PCDH11X: variants seen among roughly 807,000 people sequenced by gnomAD.
PCDH11X encodes protocadherin-11 X-linked.
In PCDH11X, 18 loss-of-function variants were observed where a neutral mutation model predicts 53.3. The ratio of observed to expected loss-of-function variants is 0.34; its 90% CI spans 0.23 to 0.50. PCDH11X has a LOEUF of 0.50. Among genes scored for constraint, PCDH11X ranks in the 20% least tolerant of loss-of-function variants. PCDH11X has a pLI of 0.98. For synonymous variants in PCDH11X, 279 were observed against 393.3 expected (o/e 0.71, Z 3.44); for missense variants, 570 against 1,032.4 (o/e 0.55, Z 6.14).
intron 5 of PCDH11X, among the ~76,000 whole-genome samples, chrX:91,859,489 T>C (rs1217841070): frequency 9.3e-6 from 1 of 107,898 alleles, no homozygotes; most frequent in African/African-American, 3.4e-5. Flanking sequence ...ATTTTTCCTT[T>C]TGTTGCAGTT....
At chrX:92,324,611 G>A (rs2148496805) in intron 8 of PCDH11X, among the ~76,000 whole-genome samples, 1 of 101,722 alleles carries the variant, frequency 9.8e-6, no homozygotes, top group Non-Finnish European at 2.0e-5. Context: ...AGATAGCAAT[G>A]TAGTACATGA....
At chrX:92,151,942 A>G (rs2065442830) in intron 6 of PCDH11X, among the ~76,000 whole-genome samples, 2 of 99,378 alleles carry the variant, frequency 2.0e-5, no homozygotes, top group African/African-American at 3.7e-5. Context: ...ATAAGATACT[A>G]TAGTAACTAG....
chrX:92,244,815 T>C (rs2067318872), intron 7 of PCDH11X, among the ~76,000 whole-genome samples: 1 of 112,018 alleles, frequency 8.9e-6, no homozygotes, highest in Admixed American at 9.5e-5. Flanking sequence ...TAAAGTGCTA[T>C]GCCTGTCACA....
intron 8 of PCDH11X, among the ~76,000 whole-genome samples, chrX:92,273,302 G>T (rs1434477166): frequency 9.0e-6 from 1 of 111,124 alleles, no homozygotes; most frequent in Non-Finnish European, 1.9e-5. Context: ...GGTGCTCAGT[G>T]GGGGAGCTTC....
Position 91,878,592 on chromosome X carries a change from A to G in PCDH11X, c.2352A>G (p.Glu784=), listed in dbSNP as rs1569424018. The G allele has an allele frequency of 1.7e-6, 2 of 1,211,351 alleles. No individual in the cohort carries two copies. Among genetic ancestry groups the G allele is most frequent in the South Asian group, 1.8e-5 (1 of 56,947 alleles). ...TGACCAATGCTACACTGATTAATGA[A>G]CTGGTGCGCAAAAGCACTGAAGCAC... ...ESVTNATLIN[E]LVRKSTEAPV... is the part of the protein sequence containing the mutation. The change falls in exon 6 of 11, where the codon GAA becomes GAG. Residue 784 remains glutamate (E), a synonymous_variant. Coordinates refer to ENST00000682573, the MANE Select transcript of PCDH11X (RefSeq NM_032968.5).
At chrX:91,915,892 AT>A (rs745386868) in intron 6 of PCDH11X, among the ~76,000 whole-genome samples, 7 of 110,475 alleles carry the variant, frequency 6.3e-5, no homozygotes, top group African/African-American at 2.0e-4. Context: ...CAGACTATAC[AT>A]TTTTTTTCAG....
chrX:91,880,049 A>G, intron 6 of PCDH11X: 2 of 491,299 alleles, frequency 4.1e-6, no homozygotes, highest in Non-Finnish European at 5.0e-6. Flanking sequence ...TCTAATAGGC[A>G]CAAAGAAAAC....
chrX:92,599,631 A>T, intron 10 of PCDH11X, among the ~76,000 whole-genome samples: 1 of 111,848 alleles, frequency 8.9e-6, no homozygotes. Context: ...GTATTTCTTC[A>T]TAGCAGTAAG....
intron 9 of PCDH11X, chrX:92,459,956 T>C (rs1163015346): frequency 1.7e-6 from 2 of 1,167,715 alleles, no homozygotes; most frequent in African/African-American, 3.6e-5. Flanking sequence ...CTGGACAGAG[T>C]GAGGAGCCTG....
intron 6 of PCDH11X, among the ~76,000 whole-genome samples, chrX:92,042,555 C>G (rs2148033276): frequency 9.7e-6 from 1 of 103,430 alleles, no homozygotes; most frequent in East Asian, 3.2e-4. Context: ...CTACATTTAG[C>G]TATTTATTGG....
rs1249506127 is a variant in PCDH11X at position 92,595,990 on chromosome X, T to C, written c.3368-22274T>C. The stretch of plus-strand genomic sequence containing the variant: ...GAGAGGTCTAGCCAATCTGAAGTGC[T>C]ACCTCCTCATGTGGGAAACAGCTGT... On this transcript the variant is annotated intron_variant, in intron 10 of 10. Coordinates refer to ENST00000682573, the MANE Select transcript of PCDH11X (RefSeq NM_032968.5). Among the ~76,000 whole-genome samples, 56 of 110,780 alleles carry C rather than the reference T, an allele frequency of 5.1e-4. 1 individual carries two copies. Among genetic ancestry groups the C allele is most frequent in the Non-Finnish European group, 1.0e-3 (53 of 52,928 alleles).
chrX:92,399,188 G>A (rs181583665), intron 9 of PCDH11X, among the ~76,000 whole-genome samples: 12,125 of 47,403 alleles, frequency 0.26, 1,219 homozygotes, highest in East Asian at 0.72. Flanking sequence ...GCCAGACTCC[G>A]TGTCAAAAAA....
intron 7 of PCDH11X, among the ~76,000 whole-genome samples, chrX:92,205,437 T>C (rs2066458334): frequency 9.0e-6 from 1 of 110,872 alleles, no homozygotes; most frequent in Non-Finnish European, 1.9e-5. Flanking sequence ...AGAATAGAAG[T>C]GTTGAAGAAA....
intron 6 of PCDH11X, among the ~76,000 whole-genome samples, chrX:92,043,426 G>A (rs1169922209): frequency 9.8e-6 from 1 of 102,025 alleles, no homozygotes; most frequent in Admixed American, 1.1e-4. Flanking sequence ...ATCCCATAAG[G>A]CTCATAATTT....
chrX:92,093,362 C>G (rs1464713517), intron 6 of PCDH11X, among the ~76,000 whole-genome samples: 1 of 111,149 alleles, frequency 9.0e-6, no homozygotes, highest in Non-Finnish European at 1.9e-5. Context: ...ATAATTTGCA[C>G]ATTTTAAATC....
intron 9 of PCDH11X, among the ~76,000 whole-genome samples, chrX:92,419,780 A>G (rs1247926655): frequency 4.0e-5 from 4 of 99,328 alleles, no homozygotes; most frequent in Non-Finnish European, 8.0e-5. Flanking sequence ...CCCAGGTTCA[A>G]GCAATTCTCC....
intron 6 of PCDH11X, among the ~76,000 whole-genome samples, chrX:92,147,810 C>CCTTTCTTTCTTTCT (rs2065297279): frequency 1.4e-5 from 1 of 70,198 alleles, no homozygotes; most frequent in East Asian, 5.3e-4. Flanking sequence ...TTTCTTCCTT[C>CCTTTCTTTCTTTCT]CTTTCTTTCT....
rs1484356725 is a variant in PCDH11X, at chrX:91,883,063, C to G, written c.3033+3790C>G. On this transcript the variant is annotated intron_variant, in intron 6 of 10. Coordinates refer to ENST00000682573, the MANE Select transcript of PCDH11X (RefSeq NM_032968.5). ...TAATCTAGATTTCCCATTATAAAAGCAAGCAAAAATCATCTTAAAAATGAT... is the reference window on the plus strand; with the variant it reads ...TAATCTAGATTTCCCATTATAAAAGGAAGCAAAAATCATCTTAAAAATGAT... 4.8e-6 allele frequency: 5 copies of G among 1,045,288 alleles called. No individual in the cohort carries two copies. The East Asian group carries it at 1.9e-4, about 39-fold the overall frequency. 86.1% of individuals were successfully genotyped at this position (1,045,288 alleles called of 1,213,427 possible).
chrX:92,410,742 G>A (rs35626032), intron 9 of PCDH11X, among the ~76,000 whole-genome samples: 6,764 of 84,439 alleles, frequency 0.08, 820 homozygotes, highest in African/African-American at 0.23. Flanking sequence ...TTAGAAGCTC[G>A]TATTTTGAAT....
Sources: allele counts gnomAD v4.1 joint callset (sites outside exome capture counted in the v4.1 genomes callset), GRCh38; gene constraint gnomAD v4.1.1; transcripts MANE v1.5; gene names NCBI Gene and HGNC (gene_info 2026-07-23, HGNC 2026-07-21).